LARP1: variants seen among roughly 807,000 people sequenced by gnomAD.
LARP1 encodes La ribonucleoprotein 1, translational regulator, also known as la-related protein 1.
A neutral mutation model predicts 122.7 loss-of-function variants in LARP1; 36 were observed. The ratio of observed to expected loss-of-function variants is 0.29; its 90% CI spans 0.22 to 0.39. The LOEUF (loss-of-function observed/expected upper bound fraction) is 0.39, where lower values mean the gene tolerates loss of function less well. LARP1 is among the 10% of genes least tolerant of loss of function. The pLI, the probability that LARP1 is intolerant of heterozygous loss-of-function variation, is 1.00. For missense variants in LARP1, 1,040 were observed against 1,403.6 expected (o/e 0.74, Z 4.14); for synonymous variants, 539 against 528.7 (o/e 1.02, Z -0.27).
chr5:154,806,597 A>G (rs1327856844), intron 15 of LARP1, among the ~76,000 whole-genome samples: 1 of 152,206 alleles, frequency 6.6e-6, no homozygotes, highest in Non-Finnish European at 1.5e-5. Flanking sequence ...TCTAGATGAT[A>G]GTGTAAGGAA....
chr5:154,690,359 A>G (rs976931976), intron 1 of LARP1, among the ~76,000 whole-genome samples: 3 of 152,136 alleles, frequency 2.0e-5, no homozygotes, highest in Non-Finnish European at 4.4e-5. Context: ...ACCCAACCCT[A>G]CTGACTCCCG....
intron 1 of LARP1, among the ~76,000 whole-genome samples, chr5:154,688,927 G>T (rs1425329063): frequency 6.6e-6 from 1 of 152,180 alleles, no homozygotes; most frequent in Admixed American, 6.5e-5. Flanking sequence ...ATGTATTAAT[G>T]CATTCCTTTT....
chr5:154,782,454 C>T (rs777107187), intron 1 of LARP1, among the ~76,000 whole-genome samples: 130 of 152,152 alleles, frequency 8.5e-4, no homozygotes, highest in Non-Finnish European at 4.3e-4. Flanking sequence ...CACATCTGGG[C>T]GGGGAGAGTG....
chr5:154,740,158 G>A (rs1236341400), intron 1 of LARP1, among the ~76,000 whole-genome samples: 6 of 151,434 alleles, frequency 4.0e-5, no homozygotes, highest in East Asian at 1.9e-4. Flanking sequence ...TTGGGAGGCC[G>A]AGGCGGGTGG....
intron 1 of LARP1, among the ~76,000 whole-genome samples, chr5:154,705,878 A>C (rs1754923523): frequency 6.6e-6 from 1 of 152,224 alleles, no homozygotes; most frequent in Non-Finnish European, 1.5e-5. Flanking sequence ...TATATATCAA[A>C]AACAAAATAA....
Position 154,811,577 on chromosome 5 carries a change from C to T in LARP1, c.3018C>T (p.Asp1006=), listed in dbSNP as rs779586372. ...AATATTCCAAAGCCAAAAATTTGGA[C>T]ATTGACCCCAAACTGCAAGAATACC... ...FLKYSKAKNL[D]IDPKLQEYLG... The change falls in exon 18 of 19, where the codon GAC becomes GAT. Residue 1006 remains aspartate (D), a synonymous_variant. Coordinates refer to ENST00000518297, the MANE Select transcript of LARP1 (RefSeq NM_033551.3). 9 of 1,614,194 alleles carry T rather than the reference C, an allele frequency of 5.6e-6. No individual in the cohort carries two copies. In the South Asian group the frequency reaches 8.8e-5, roughly 16 times the overall value.
intron 1 of LARP1, among the ~76,000 whole-genome samples, chr5:154,715,179 C>CA (rs955385684): frequency 2.1e-5 from 3 of 144,798 alleles, no homozygotes; most frequent in African/African-American, 5.1e-5. Flanking sequence ...GACTCTGTCT[C>CA]AAAAAAAAGA....
intron 3 of LARP1, 25 bp downstream of exon 3, chr5:154,790,735 A>C: frequency 6.2e-7 from 1 of 1,608,558 alleles, no homozygotes; most frequent in South Asian, 1.1e-5. Context: ...AAGAATAGGC[A>C]GGTTTGAAGT....
chr5:154,808,039 G>C (rs1006655839), intron 15 of LARP1, among the ~76,000 whole-genome samples: 12 of 152,088 alleles, frequency 7.9e-5, no homozygotes, highest in African/African-American at 2.7e-4. Context: ...TTTTGGTGTT[G>C]TGCATTTTTT....
intron 1 of LARP1, among the ~76,000 whole-genome samples, chr5:154,772,892 G>A (rs563537891): frequency 1.1e-4 from 17 of 151,682 alleles, no homozygotes; most frequent in South Asian, 6.2e-4. Flanking sequence ...TTTCCGTGTC[G>A]GTCAGTCTGG....
At chr5:154,787,291 AT>A (rs1258309670) in intron 1 of LARP1, among the ~76,000 whole-genome samples, 9 of 152,202 alleles carry the variant, frequency 5.9e-5, no homozygotes, top group African/African-American at 2.2e-4. Context: ...TTATCCCCTG[AT>A]TTGGCTGGGA....
chr5:154,796,131 T>TTTATATATTTATATATTATATATA (rs1757819024), intron 8 of LARP1, among the ~76,000 whole-genome samples: 2 of 125,994 alleles, frequency 1.6e-5, no homozygotes, highest in African/African-American at 6.0e-5. Context: ...TTATATATAT[T>TTTATATATTTATATATTATATATA]TTATATATTT....
At chr5:154,727,984 C>G (rs945469457) in intron 1 of LARP1, among the ~76,000 whole-genome samples, 1 of 152,166 alleles carries the variant, frequency 6.6e-6, no homozygotes, top group Non-Finnish European at 1.5e-5. Context: ...AGGAGAATCG[C>G]TCAAACCCCG....
At chr5:154,746,045 G>T (rs183726694) in intron 1 of LARP1, among the ~76,000 whole-genome samples, 1 of 152,144 alleles carries the variant, frequency 6.6e-6, no homozygotes, top group African/African-American at 2.4e-5. Flanking sequence ...TGATCTACCC[G>T]CCTTGGACTC....
chr5:154,693,150 T>G (rs1430769511), intron 1 of LARP1, among the ~76,000 whole-genome samples: 2 of 151,884 alleles, frequency 1.3e-5, no homozygotes, highest in Non-Finnish European at 2.9e-5. Flanking sequence ...TGTTTCATTT[T>G]GTTTTGAGAC....
chr5:154,692,294 C>G (rs1754260686), intron 1 of LARP1, among the ~76,000 whole-genome samples: 1 of 152,222 alleles, frequency 6.6e-6, no homozygotes, highest in Non-Finnish European at 1.5e-5. Flanking sequence ...AGCTATGTGA[C>G]TTTAGGCCAG....
rs539037241 is a variant in LARP1 at position 154,737,524 on chromosome 5, C to T, written c.205+24394C>T. 1.5e-4 allele frequency among the ~76,000 whole-genome samples: 23 copies of T among 149,420 alleles called. 1 individual carries two copies. The highest frequency in any genetic ancestry group is 5.5e-4 in the African/African-American group (22 of 40,314). On this transcript the variant is annotated intron_variant, in intron 1 of 18. Transcript: ENST00000336314. ...CGGTGAGATCTCAGCTCACTGCAAC[C>T]TCCGCCTCCCGGGTTCAAGCAATTC...
At chr5:154,750,482 G>A (rs1753429228), upstream of LARP1, among the ~76,000 whole-genome samples, 1 of 152,118 alleles carries the variant, frequency 6.6e-6, no homozygotes, top group South Asian at 2.1e-4. Flanking sequence ...ATGTTGCCCA[G>A]ACTGATCTTG....
intron 1 of LARP1, among the ~76,000 whole-genome samples, chr5:154,726,211 C>T (rs897928911): frequency 6.6e-6 from 1 of 152,112 alleles, no homozygotes; most frequent in East Asian, 1.9e-4. Context: ...AGAATTAGAC[C>T]AGCCCTGACA....
Sources: allele counts gnomAD v4.1 joint callset (sites outside exome capture counted in the v4.1 genomes callset), GRCh38; gene constraint gnomAD v4.1.1; transcripts MANE v1.5; gene names NCBI Gene and HGNC (gene_info 2026-07-23, HGNC 2026-07-21).